The following PHF21A variants were observed in gnomAD, a reference collection of about 807,000 sequenced individuals.
PHF21A encodes the protein BHC80a.
Under a neutral mutation model 82.5 loss-of-function variants are expected in PHF21A, and 11 were observed. The observed-to-expected ratio is 0.13, with a 90% CI of 0.08 to 0.22. The LOEUF (loss-of-function observed/expected upper bound fraction) is 0.22. Among genes scored for constraint, PHF21A ranks in the 10% least tolerant of loss-of-function variants. The pLI is 1.00. For synonymous variants in PHF21A, 297 were observed against 302.8 expected (o/e 0.98, Z 0.20); for missense variants, 579 against 837.8 (o/e 0.69, Z 3.81).
At chr11:45,977,639 C>T (rs2094100160) in intron 7 of PHF21A, among the ~76,000 whole-genome samples, 1 of 152,142 alleles carries the variant, frequency 6.6e-6, no homozygotes. Context: ...TCTAAACATT[C>T]TTTCAGAACT....
At chr11:46,001,293 C>T (rs188269058) in intron 6 of PHF21A, among the ~76,000 whole-genome samples, 36 of 151,092 alleles carry the variant, frequency 2.4e-4, no homozygotes, top group Admixed American at 6.6e-5. Context: ...ACCAGGGGGG[C>T]TGGAAATGGG....
chr11:46,009,528 T>C (rs932613568), intron 6 of PHF21A, among the ~76,000 whole-genome samples: 2 of 152,240 alleles, frequency 1.3e-5, no homozygotes, highest in African/African-American at 2.4e-5. Context: ...TAGTACTTAC[T>C]ATAAGGCAAG....
chr11:46,003,101 T>C (rs1190045959), intron 6 of PHF21A, among the ~76,000 whole-genome samples: 1 of 152,128 alleles, frequency 6.6e-6, no homozygotes. Flanking sequence ...AAAATTATCT[T>C]GAGACATTCT....
intron 6 of PHF21A, among the ~76,000 whole-genome samples, chr11:45,988,225 A>C (rs1037481361): frequency 6.6e-6 from 1 of 152,230 alleles, no homozygotes; most frequent in Non-Finnish European, 1.5e-5. Flanking sequence ...TAAATATAAC[A>C]GATTATTTAA....
At chr11:45,965,768 C>T (rs778309744) in intron 9 of PHF21A, among the ~76,000 whole-genome samples, 160 bp from the exon 10 acceptor site, 13 of 152,108 alleles carry the variant, frequency 8.5e-5, no homozygotes, top group Non-Finnish European at 1.0e-4. Flanking sequence ...TAATCTTATA[C>T]AAGACTCATC....
chr11:46,034,882 T>C (rs1011762092), intron 6 of PHF21A, among the ~76,000 whole-genome samples: 5 of 152,192 alleles, frequency 3.3e-5, no homozygotes. Context: ...CTTCCTCAAG[T>C]ATTTTCAACA....
At chr11:46,055,030 T>C (rs1156239627) in intron 6 of PHF21A, among the ~76,000 whole-genome samples, 2 of 152,192 alleles carry the variant, frequency 1.3e-5, no homozygotes, top group African/African-American at 2.4e-5. Flanking sequence ...TCTGTTTATA[T>C]GGATCTACAG....
intron 1 of PHF21A, among the ~76,000 whole-genome samples, chr11:46,095,878 A>T (rs1004373116): frequency 6.6e-6 from 1 of 152,164 alleles, no homozygotes; most frequent in Non-Finnish European, 1.5e-5. Context: ...AAGGGACTAG[A>T]ATAGCACAGA....
At chr11:45,943,076 C>G (rs1243962182) in intron 15 of PHF21A, among the ~76,000 whole-genome samples, 1 of 151,534 alleles carries the variant, frequency 6.6e-6, no homozygotes, top group African/African-American at 2.4e-5. Flanking sequence ...TCACTTTTCT[C>G]CATCTCTGCT....
intron 6 of PHF21A, among the ~76,000 whole-genome samples, chr11:46,036,124 G>A (rs2095997861): frequency 6.6e-6 from 1 of 152,226 alleles, no homozygotes; most frequent in Non-Finnish European, 1.5e-5. Context: ...AAGACTGGCA[G>A]AACATGATGA....
At chr11:45,968,224 GCA>G (rs1038228334) in intron 9 of PHF21A, among the ~76,000 whole-genome samples, 1 of 152,158 alleles carries the variant, frequency 6.6e-6, no homozygotes, top group African/African-American at 2.4e-5. Flanking sequence ...TTTATTCTCT[GCA>G]CAGAGGCAAG....
At chr11:45,992,924 G>A (rs928029628) in intron 6 of PHF21A, among the ~76,000 whole-genome samples, 7 of 152,120 alleles carry the variant, frequency 4.6e-5, no homozygotes, top group African/African-American at 1.4e-4. Context: ...CCACTGAACC[G>A]CAGCTACCTC....
chr11:46,042,864 C>G (rs1157139956), intron 6 of PHF21A, among the ~76,000 whole-genome samples: 3 of 152,008 alleles, frequency 2.0e-5, no homozygotes, highest in Admixed American at 6.6e-5. Context: ...TCTGCTGATG[C>G]CTTGAACGTG....
In PHF21A at chr11:45,969,831, G is replaced by A; in HGVS notation, c.686C>T (p.Pro229Leu). Reference protein sequence around the residue: ...FIPPPRLTPRPNFLPQVRPKP... With the variant: ...FIPPPRLTPRLNFLPQVRPKP... ...TTTACTCACCTGTGGAAGAAAGTTTGGACGTGGAGTGAGTCTAGGAGGGGG... is the reference window on the plus strand; with the variant it reads ...TTTACTCACCTGTGGAAGAAAGTTTAGACGTGGAGTGAGTCTAGGAGGGGG... The change falls in exon 9 of 19, where the codon CCA becomes CTA. Residue 229 changes from proline (P) to leucine (L), a missense_variant. By Grantham distance (98) the Pro-to-Leu change is moderately conservative (BLOSUM62 -3). Around this residue, in one of 3 missense-constraint regions of PHF21A, gnomAD observed 410 missense variants for 642.1 expected, o/e 0.64. Coordinates refer to ENST00000676320, the MANE Select transcript of PHF21A (RefSeq NM_001352027.3). 6.2e-7 allele frequency: 1 copy of A among 1,612,492 alleles called. No individual in the cohort carries two copies. The highest frequency in any genetic ancestry group is 8.5e-7 in the Non-Finnish European group (1 of 1,178,554).
intron 6 of PHF21A, among the ~76,000 whole-genome samples, chr11:46,060,997 G>C (rs1257772020): frequency 6.6e-6 from 1 of 152,180 alleles, no homozygotes; most frequent in Non-Finnish European, 1.5e-5. Context: ...ATGGTGTAAG[G>C]AAGGGCTACA....
At chr11:46,119,111 T>TAA (rs33935532) in intron 1 of PHF21A, among the ~76,000 whole-genome samples, 77,715 of 149,962 alleles carry the variant, frequency 0.52, 21,004 homozygotes, top group South Asian at 0.65. Flanking sequence ...ACAACTGCTT[T>TAA]AAAAAAAAAA....
At chr11:46,097,273 T>C (rs2097013025) in intron 1 of PHF21A, among the ~76,000 whole-genome samples, 1 of 152,182 alleles carries the variant, frequency 6.6e-6, no homozygotes, top group African/African-American at 2.4e-5. Flanking sequence ...CTTCCCATCA[T>C]ACTCCGAGAA....
chr11:46,040,555 T>G (rs2096112946), intron 6 of PHF21A, among the ~76,000 whole-genome samples: 2 of 152,164 alleles, frequency 1.3e-5, no homozygotes, highest in African/African-American at 4.8e-5. Context: ...TACTCATTAC[T>G]GCAGTACATT....
At chr11:46,067,596 C>T (rs1355519864) in intron 6 of PHF21A, among the ~76,000 whole-genome samples, 2 of 33,464 alleles carry the variant, frequency 6.0e-5, no homozygotes, top group Non-Finnish European at 7.5e-5. Context: ...TTCCACCCCC[C>T]ACAAAAAAAA....
Sources: gnomAD v4.1 joint callset for allele counts (sites outside exome capture counted in the v4.1 genomes callset) on GRCh38, gnomAD v4.1.1 for gene constraint, gnomAD v4.1.1 regional missense constraint, MANE v1.5 for transcripts, NCBI Gene and HGNC (gene_info 2026-07-23, HGNC 2026-07-21) for gene names.